Variants in TBC1D5 observed in about 807,000 individuals in gnomAD.
TBC1D5 encodes the protein TBC1 domain family member 5.
TBC1D5 carries 75 observed loss-of-function variants against 100.3 expected under a neutral mutation model. The observed-to-expected ratio is 0.75, with a 90% CI of 0.62 to 0.91. The LOEUF is 0.91. Among genes scored for constraint, TBC1D5 ranks in the 40% least tolerant of loss-of-function variants. The pLI is 0.00. For missense variants in TBC1D5, 910 were observed against 942.4 expected (o/e 0.97, Z 0.45); for synonymous variants, 323 against 325.6 (o/e 0.99, Z 0.09).
intron 3 of TBC1D5, among the ~76,000 whole-genome samples, chr3:17,463,430 T>C (rs968006607): frequency 6.6e-6 from 1 of 152,136 alleles, no homozygotes; most frequent in African/African-American, 2.4e-5. Flanking sequence ...TTAGTTACAG[T>C]TTGCAAGTCA....
chr3:17,482,167 A>T (rs2095509711), intron 3 of TBC1D5, among the ~76,000 whole-genome samples: 1 of 152,236 alleles, frequency 6.6e-6, no homozygotes, highest in African/African-American at 2.4e-5. Flanking sequence ...CTTAAACAAG[A>T]GTCATGTATT....
intron 2 of TBC1D5, among the ~76,000 whole-genome samples, chr3:17,525,873 C>A (rs779846069): frequency 6.6e-6 from 1 of 151,984 alleles, no homozygotes; most frequent in African/African-American, 2.4e-5. Context: ...ATTCTCATGA[C>A]CTGGCATATA....
chr3:17,433,498 A>G (rs59394144), intron 3 of TBC1D5, among the ~76,000 whole-genome samples: 13,847 of 151,924 alleles, frequency 0.091, 1,422 homozygotes, highest in African/African-American at 0.26. Flanking sequence ...ATCAGATCTC[A>G]TGAGAACTCA....
intron 18 of TBC1D5, among the ~76,000 whole-genome samples, chr3:17,190,029 T>G (rs1459693017): frequency 6.6e-6 from 1 of 152,244 alleles, no homozygotes; most frequent in Non-Finnish European, 1.5e-5. Context: ...ATCATTAGAC[T>G]TCTATTGAAA....
At chr3:17,590,014 G>C (rs930228268) in intron 2 of TBC1D5, among the ~76,000 whole-genome samples, 1 of 152,184 alleles carries the variant, frequency 6.6e-6, no homozygotes, top group Non-Finnish European at 1.5e-5. Flanking sequence ...ATGGGGCACA[G>C]CAAGTGCAAA....
intron 16 of TBC1D5, among the ~76,000 whole-genome samples, chr3:17,255,290 T>A (rs959092108): frequency 2.0e-5 from 3 of 152,298 alleles, no homozygotes; most frequent in Non-Finnish European, 4.4e-5. Context: ...AACCTCCACC[T>A]CCTGGGTTCC....
intron 16 of TBC1D5, among the ~76,000 whole-genome samples, chr3:17,258,098 G>A (rs992751408): frequency 6.6e-6 from 1 of 152,004 alleles, no homozygotes; most frequent in African/African-American, 2.4e-5. Flanking sequence ...GCATTTATAA[G>A]CTTATTGTGT....
At chr3:17,496,689 C>CA (rs1303911959) in intron 3 of TBC1D5, among the ~76,000 whole-genome samples, 1 of 151,958 alleles carries the variant, frequency 6.6e-6, no homozygotes, top group Admixed American at 6.6e-5. Flanking sequence ...GTGTGGACTG[C>CA]AACGTGAAAA....
rs534315476 is a variant in TBC1D5 at position 17,688,488 on chromosome 3, G to C, written c.-101+50855C>G. ...AGAAGCAATCAGCCACCTTAGAAAA[G>C]TGGTTAGGTTCAGGCTTCAATTTAT... On this transcript the variant is annotated intron_variant, in intron 1 of 21. Coordinates refer to ENST00000253692, the Ensembl canonical transcript of TBC1D5. Among the ~76,000 whole-genome samples, 14 of 152,326 alleles carry C rather than the reference G, an allele frequency of 9.2e-5. No individual in the cohort carries two copies. The South Asian group carries it at 1.7e-3, about 18-fold the overall frequency.
At chr3:17,321,141 C>G (rs1466783837) in intron 13 of TBC1D5, among the ~76,000 whole-genome samples, 3 of 152,224 alleles carry the variant, frequency 2.0e-5, no homozygotes, top group African/African-American at 7.2e-5. Flanking sequence ...AATCATAGCT[C>G]ACTACAGCCT....
At chr3:17,673,315 T>TTC (rs2068193420) in intron 1 of TBC1D5, among the ~76,000 whole-genome samples, 2 of 147,116 alleles carry the variant, frequency 1.4e-5, no homozygotes, top group Admixed American at 6.8e-5. Context: ...TCTTTTCTTT[T>TTC]TTTTTTTTTT....
intron 21 of TBC1D5, among the ~76,000 whole-genome samples, chr3:17,163,079 C>G (rs1055416760): frequency 1.3e-5 from 2 of 152,178 alleles, no homozygotes; most frequent in African/African-American, 4.8e-5. Context: ...GTGAAGACGT[C>G]AGTGAGATTC....
chr3:17,348,966 T>C (rs1171584186), intron 13 of TBC1D5, among the ~76,000 whole-genome samples: 1 of 152,162 alleles, frequency 6.6e-6, no homozygotes, highest in Non-Finnish European at 1.5e-5. Flanking sequence ...ACAAATTCTA[T>C]CATTACCTTG....
intron 3 of TBC1D5, among the ~76,000 whole-genome samples, chr3:17,452,218 C>G (rs2094944627): frequency 6.6e-6 from 1 of 151,850 alleles, no homozygotes; most frequent in Non-Finnish European, 1.5e-5. Context: ...AGAAAATCAA[C>G]TTCGCTAGAA....
intron 1 of TBC1D5, among the ~76,000 whole-genome samples, chr3:17,685,826 G>A (rs2153818410): frequency 6.6e-6 from 1 of 152,120 alleles, no homozygotes; most frequent in South Asian, 2.1e-4. Context: ...TAATGCTACA[G>A]CCTTTCTGAC....
intron 3 of TBC1D5, among the ~76,000 whole-genome samples, chr3:17,494,104 T>G (rs2095672316): frequency 6.6e-6 from 1 of 152,184 alleles, no homozygotes; most frequent in Non-Finnish European, 1.5e-5. Flanking sequence ...TGAGGTTTTT[T>G]GTTGATGTTG....
chr3:17,626,607 GA>G (rs1226724326), intron 1 of TBC1D5, among the ~76,000 whole-genome samples: 5 of 152,138 alleles, frequency 3.3e-5, no homozygotes, highest in African/African-American at 1.2e-4. Flanking sequence ...AGAAGATGGT[GA>G]AATCACAGTA....
At chr3:17,489,969 G>T (rs73153052) in intron 3 of TBC1D5, among the ~76,000 whole-genome samples, 12,186 of 152,164 alleles carry the variant, frequency 0.08, 1,011 homozygotes, top group African/African-American at 0.22. Context: ...ACCAACAGTG[G>T]AAAACCATTC....
chr3:17,481,248 G>A (rs146423296), intron 3 of TBC1D5, among the ~76,000 whole-genome samples: 5 of 152,330 alleles, frequency 3.3e-5, no homozygotes, highest in East Asian at 1.9e-4. Flanking sequence ...AGCAGCTGAC[G>A]TGCCTGGCTG....
Sources: allele counts gnomAD v4.1 joint callset (sites outside exome capture counted in the v4.1 genomes callset), GRCh38; gene constraint gnomAD v4.1.1; transcripts MANE v1.5; gene names NCBI Gene and HGNC (gene_info 2026-07-23, HGNC 2026-07-21).